Variants in AKAP17A observed in about 807,000 individuals in gnomAD.
AKAP17A encodes the protein A-kinase anchor protein 17A.
Under a neutral mutation model 52.2 loss-of-function variants are expected in AKAP17A, and 15 were observed. The ratio of observed to expected loss-of-function variants is 0.29; its 90% CI spans 0.19 to 0.44. AKAP17A has a LOEUF of 0.44. Among genes scored for constraint, AKAP17A ranks in the 20% least tolerant of loss-of-function variants. AKAP17A has a pLI of 1.00. For synonymous variants in AKAP17A, 514 were observed against 424.7 expected, an observed-to-expected ratio of 1.21 and a Z score of -2.58; for missense variants, 1,060 against 1,007.0, an observed-to-expected ratio of 1.05 and a Z score of -0.71.
chrX:1,597,735 C>T (rs1456781793), intron 3 of AKAP17A, among the ~76,000 whole-genome samples: 1 of 152,072 alleles, frequency 6.6e-6, no homozygotes, highest in East Asian at 1.9e-4. Context: ...TTGATCTTTC[C>T]CTGAGGAGAG....
chrX:1,599,031 C>T (rs1162007653), intron 3 of AKAP17A, among the ~76,000 whole-genome samples, 161 bp from the exon 4 acceptor site: 9 of 152,206 alleles, frequency 5.9e-5, no homozygotes, highest in Non-Finnish European at 7.3e-5. Flanking sequence ...TTCCACCTCT[C>T]GGGCTGCTTT....
At chrX:1,593,016 G>A (rs1392962330) in intron 1 of AKAP17A, among the ~76,000 whole-genome samples, 2 of 152,076 alleles carry the variant, frequency 1.3e-5, no homozygotes, top group African/African-American at 4.8e-5. Context: ...CTGCAGCTGT[G>A]CTCTCCCTGG....
intron 4 of AKAP17A, chrX:1,600,088 C>T: frequency 1.7e-6 from 2 of 1,151,654 alleles, no homozygotes; most frequent in South Asian, 2.6e-5. Flanking sequence ...GGGCTGCGTC[C>T]CCCTGGAGTC....
chrX:1,596,226 TA>T (rs561491812), intron 3 of AKAP17A, among the ~76,000 whole-genome samples: 54 of 133,930 alleles, frequency 4.0e-4, no homozygotes, highest in Admixed American at 5.3e-4. Context: ...TGGCCAGATT[TA>T]AAAAAAAAAA....
rs766270256 is a variant in AKAP17A at position 1,595,366 on chromosome X, CTG to C, written c.763-16_763-15del. On this transcript the variant is annotated splice_polypyrimidine_tract_variant and intron_variant, in intron 2 of 4. Coordinates refer to ENST00000313871, the MANE Select transcript of AKAP17A (RefSeq NM_005088.3). ...GGTTTTGGGGGAAGGCCATCTGACA[CTG>C]TTTTTGCTTTTAAAGGTTTCTTTTG... 5 of 1,613,212 alleles carry C rather than the reference CTG, an allele frequency of 3.1e-6. No homozygotes were observed. Among genetic ancestry groups the C allele is most frequent in the Middle Eastern group, 1.8e-4 (1 of 5,712 alleles).
chrX:1,593,536 A>T lies in AKAP17A; in HGVS notation c.74A>T (p.Lys25Met). Residue 25 changes from lysine to methionine, a missense_variant, in exon 2 of 5, where the codon AAG (lysine) becomes ATG (methionine). By Grantham distance (95) the Lys-to-Met change is moderately conservative. This residue lies in a region of AKAP17A where 267 missense variants were observed against 377.1 expected (regional missense o/e 0.71). Transcript: ENST00000313871. ...ELCPAYGLYL[K>M]PITKMTISVA... The stretch of plus-strand genomic sequence containing the variant: ...TGCCCTGCTTACGGCTTGTACCTGA[A>T]GCCCATCACCAAGATGACCATCAGC... 1 of 1,613,686 alleles carries T rather than the reference A, an allele frequency of 6.2e-7. No individual in the cohort carries two copies. Among genetic ancestry groups the T allele is most frequent in the Non-Finnish European group, 8.5e-7 (1 of 1,179,862 alleles).
chrX:1,596,329 A>T (rs1408831238), intron 3 of AKAP17A, among the ~76,000 whole-genome samples: 1 of 151,928 alleles, frequency 6.6e-6, no homozygotes, highest in Non-Finnish European at 1.5e-5. Flanking sequence ...TGGTTGGGGT[A>T]CCAGAGACAA....
At position 1,602,054 on chromosome X, in the gene AKAP17A, A is replaced by C; in HGVS notation, c.*460A>C. 1 of 160,986 alleles carries C rather than the reference A, an allele frequency of 6.2e-6. No homozygotes were observed. The highest frequency in any genetic ancestry group is 1.3e-5 in the Non-Finnish European group (1 of 74,288). 10.0% of individuals were successfully genotyped at this position (160,986 alleles called of 1,614,324 possible). On this transcript the variant is annotated 3_prime_UTR_variant, in exon 5 of 5. Transcript: ENST00000313871. ...GGTGATTCTTTCCCCCCCGTTTGTA[A>C]TGTTAACTGATCAGGAAGTGCAGTT...
rs771846297 is a variant in AKAP17A, at chrX:1,602,302, G to A, written c.*708G>A. The A allele has an allele frequency of 1.3e-5, 2 of 152,186 alleles. No individual in the cohort carries two copies. Among genetic ancestry groups the A allele is most frequent in the Non-Finnish European group, 2.9e-5 (2 of 68,038 alleles). 9.4% of individuals were successfully genotyped at this position (152,186 alleles called of 1,614,324 possible). ...AAGCTTTGGTTTCTAGTAAAGGTTA[G>A]TGTGTGTGGTTTTTTTAAGAAGCTG... On this transcript the variant is annotated 3_prime_UTR_variant, in exon 5 of 5. Coordinates refer to ENST00000313871, the MANE Select transcript of AKAP17A (RefSeq NM_005088.3).
At chrX:1,598,502 G>A (rs1253196502) in intron 3 of AKAP17A, among the ~76,000 whole-genome samples, 11 of 152,134 alleles carry the variant, frequency 7.2e-5, no homozygotes, top group East Asian at 1.9e-4. Flanking sequence ...GAACAGCTGC[G>A]ACTTGTTCCC....
Position 1,593,487 on chromosome X carries a change from G to C in AKAP17A, c.25G>C (p.Asp9His). The C allele has an allele frequency of 6.2e-7, 1 of 1,613,522 alleles. No homozygotes were observed. Among genetic ancestry groups the C allele is most frequent in the Non-Finnish European group, 8.5e-7 (1 of 1,179,776 alleles). ...TATGGCAGCGGCTACCATCGTGCAC[G>C]ACACGTCTGAGGCCGTGGAGCTCTG... Reference protein sequence around the residue: MAAATIVHDTSEAVELCPA... With the variant: MAAATIVHHTSEAVELCPA... Residue 9 changes from aspartate to histidine, a missense_variant, in exon 2 of 5, where the codon GAC becomes CAC. Asp to His is a moderately conservative substitution (Grantham distance 81, BLOSUM62 -1). This residue lies in a region of AKAP17A where 267 missense variants were observed against 377.1 expected (regional missense o/e 0.71). Transcript: ENST00000313871.
chrX:1,599,698 G>C, intron 4 of AKAP17A: 3 of 642,014 alleles, frequency 4.7e-6, no homozygotes, highest in Non-Finnish European at 5.6e-6. Flanking sequence ...CCTCCCGGGG[G>C]CCAGGGCAGA....
chrX:1,594,364 C>T (rs1932899488), intron 2 of AKAP17A, 140 bp downstream of exon 2: 3 of 1,022,266 alleles, frequency 2.9e-6, no homozygotes, highest in Non-Finnish European at 2.7e-6. Context: ...CAGTCCTGTG[C>T]CTGTCCAATT....
intron 1 of AKAP17A, 80 bp from the exon 2 acceptor site, chrX:1,593,364 G>A (rs1932872236): frequency 7.1e-7 from 1 of 1,415,252 alleles, no homozygotes; most frequent in Non-Finnish European, 9.7e-7. Flanking sequence ...GGTCCAGAAA[G>A]TGCCTGCTGG....
At chrX:1,598,383 G>T (rs1933137162) in intron 3 of AKAP17A, among the ~76,000 whole-genome samples, 1 of 152,104 alleles carries the variant, frequency 6.6e-6, no homozygotes, top group Non-Finnish European at 1.5e-5. Flanking sequence ...CTCTCCCCTT[G>T]GTGTCTGCGT....
At position 1,601,144 on chromosome X, in the gene AKAP17A, C is replaced by T; in HGVS notation, c.1638C>T (p.Val546=). ...CAGAGAAGAGGTGCCCGGGCGGCGT[C>T]CTCTCCTGCATTCCTGACAACAACC... ...GSPEKRCPGG[V]LSCIPDNNQQ... Residue 546 remains valine (V), a synonymous_variant, in exon 5 of 5, where the codon GTC becomes GTT. Transcript: ENST00000313871. The T allele has an allele frequency of 6.2e-7, 1 of 1,613,800 alleles. No homozygotes were observed. Among genetic ancestry groups the T allele is most frequent in the East Asian group, 2.2e-5 (1 of 44,868 alleles).
intron 2 of AKAP17A, 90 bp from the exon 3 acceptor site, chrX:1,595,292 CCA>C: frequency 6.4e-7 from 1 of 1,559,478 alleles, no homozygotes. Flanking sequence ...GGCTCTGAGG[CCA>C]CTCGGCCCTA....
chrX:1,600,860 A>ACACACGACGAGCTGGGCGTGG lies in AKAP17A; in HGVS notation c.1361_1381dup (p.Asp454_His460dup), dbSNP rs1350461815. The ACACACGACGAGCTGGGCGTGG allele has an allele frequency of 5.0e-6, 8 of 1,590,090 alleles. No individual in the cohort carries two copies. The highest frequency in any genetic ancestry group is 1.1e-5 in the South Asian group (1 of 88,790). On this transcript the variant is annotated inframe_insertion, in exon 5 of 5. Transcript: ENST00000313871. ...GAGCAAGAAGCCGGACGACAGCCACACACACGACGAGCTGGGCGTGGCACA... is the reference window on the plus strand; with the variant it reads ...GAGCAAGAAGCCGGACGACAGCCACACACACGACGAGCTGGGCGTGGCACACGACGAGCTGGGCGTGGCACA...
chrX:1,600,910 G>A lies in AKAP17A; in HGVS notation c.1404G>A (p.Leu468=), dbSNP rs140622768. 1.8e-4 allele frequency: 286 copies of A among 1,576,782 alleles called. No homozygotes were observed. Among genetic ancestry groups the A allele is most frequent in the Non-Finnish European group, 2.3e-4 (271 of 1,165,136 alleles). Residue 468 remains leucine, a synonymous_variant, in exon 5 of 5, where the codon CTG becomes CTA. Coordinates refer to ENST00000313871, the MANE Select transcript of AKAP17A (RefSeq NM_005088.3). Reference sequence around the variant, plus strand: ...ACGCCGACCTGCTGCAGCCCGTCCTGGACATCCTGCAGACCGTGTCGTCCG... The same window carrying A: ...ACGCCGACCTGCTGCAGCCCGTCCTAGACATCCTGCAGACCGTGTCGTCCG... ...VAHADLLQPV[L]DILQTVSSGC...
Sources: allele counts gnomAD v4.1 joint callset (sites outside exome capture counted in the v4.1 genomes callset), GRCh38; gene constraint gnomAD v4.1.1; regional missense constraint gnomAD v4.1.1; transcripts MANE v1.5; gene names NCBI Gene and HGNC (gene_info 2026-07-23, HGNC 2026-07-21).